SHISA6: variants seen among roughly 807,000 people sequenced by gnomAD.
SHISA6 encodes the protein shisa family member 6, also known as protein shisa-6.
SHISA6 carries 22 observed loss-of-function variants against 47.9 expected under a neutral mutation model. The observed-to-expected ratio is 0.46, with a 90% confidence interval of 0.33 to 0.66. SHISA6 has a LOEUF of 0.66. SHISA6 is among the 30% of genes least tolerant of loss of function. SHISA6 has a pLI of 0.02. For synonymous variants in SHISA6, 388 were observed against 337.8 expected, an observed-to-expected ratio of 1.15 and a Z score of -1.63; for missense variants, 680 against 764.6, an observed-to-expected ratio of 0.89 and a Z score of 1.30.
chr17:11,340,124 G>A (rs1285717741), intron 2 of SHISA6, among the ~76,000 whole-genome samples: 2 of 152,198 alleles, frequency 1.3e-5, no homozygotes, highest in East Asian at 1.9e-4. Context: ...AATTCTCAGT[G>A]ATCCTATAAA....
At chr17:11,491,775 T>TTG (rs1281916297) in intron 3 of SHISA6, among the ~76,000 whole-genome samples, 5 of 142,734 alleles carry the variant, frequency 3.5e-5, no homozygotes, top group African/African-American at 5.0e-5. Flanking sequence ...GAAGTGTTTT[T>TTG]TTTTTTTTTT....
rs1597435976 is a variant in SHISA6 at position 11,277,319 on chromosome 17, C to CACACACAT, written c.799+13793_799+13794insACACACAT. On this transcript the variant is annotated intron_variant, in intron 2 of 5. Transcript: ENST00000441885. ...ACACACACACACACACACACACACACCCCGCATGTACGTATACAGACTTTC... is the reference window on the plus strand; with the variant it reads ...ACACACACACACACACACACACACACACACACATCCCGCATGTACGTATACAGACTTTC... Among the ~76,000 whole-genome samples, 3 of 142,822 alleles carry CACACACAT rather than the reference C, an allele frequency of 2.1e-5. 1 individual carries two copies. The East Asian group carries it at 6.2e-4, about 29-fold the overall frequency. 93.7% of individuals were successfully genotyped at this position (142,822 alleles called of 152,430 possible).
intron 1 of SHISA6, among the ~76,000 whole-genome samples, chr17:11,261,597 A>G (rs919240009): frequency 6.6e-6 from 1 of 152,252 alleles, no homozygotes; most frequent in Admixed American, 6.5e-5. Flanking sequence ...TTCACTTAGC[A>G]TGATGTTTTC....
At chr17:11,467,228 T>C (rs1390082676) in intron 3 of SHISA6, among the ~76,000 whole-genome samples, 4 of 152,294 alleles carry the variant, frequency 2.6e-5, no homozygotes, top group African/African-American at 7.2e-5. Flanking sequence ...GCGTCTACCA[T>C]GTCCACGTAC....
At chr17:11,491,498 A>C (rs1916475965) in intron 3 of SHISA6, among the ~76,000 whole-genome samples, 1 of 152,002 alleles carries the variant, frequency 6.6e-6, no homozygotes, top group Non-Finnish European at 1.5e-5. Context: ...CGGGGGTCTC[A>C]CTATGTTGTT....
In SHISA6 at chr17:11,460,346, C is replaced by T. The variant is rs150392264; in HGVS notation, c.895+80837C>T. 9.9e-3 allele frequency among the ~76,000 whole-genome samples: 1,503 copies of T among 152,220 alleles called. 13 individuals are homozygous for T. The highest frequency in any genetic ancestry group is 0.013 in the Non-Finnish European group (886 of 68,022). On this transcript the variant is annotated intron_variant, in intron 3 of 5. Transcript: ENST00000441885. Reference sequence around the variant, plus strand: ...CCTGAGTCCAGCAGAAAAAAAACAACGATACAAATATCTAGGAGTTGGAAA... The same window carrying T: ...CCTGAGTCCAGCAGAAAAAAAACAATGATACAAATATCTAGGAGTTGGAAA...
chr17:11,414,451 A>G (rs1914221812), intron 3 of SHISA6, among the ~76,000 whole-genome samples: 1 of 152,140 alleles, frequency 6.6e-6, no homozygotes, highest in African/African-American at 2.4e-5. Flanking sequence ...AAGGGGCTTA[A>G]ATGATACAGA....
chr17:11,390,226 G>A (rs577819659), intron 3 of SHISA6, among the ~76,000 whole-genome samples: 50 of 152,356 alleles, frequency 3.3e-4, no homozygotes, highest in African/African-American at 1.2e-3. Context: ...CATGGAGTCA[G>A]ACATGCTGGA....
chr17:11,410,469 A>G (rs1462071791), intron 3 of SHISA6, among the ~76,000 whole-genome samples: 1 of 152,194 alleles, frequency 6.6e-6, no homozygotes, highest in Non-Finnish European at 1.5e-5. Context: ...ATTAAGTGGC[A>G]GAACTAGTAT....
At chr17:11,293,960 A>T (rs1474165941) in intron 2 of SHISA6, among the ~76,000 whole-genome samples, 2 of 152,174 alleles carry the variant, frequency 1.3e-5, no homozygotes, top group African/African-American at 2.4e-5. Flanking sequence ...ATCTCGGCTC[A>T]CTGCAACCTC....
chr17:11,525,464 C>T (rs1041293689), intron 3 of SHISA6, among the ~76,000 whole-genome samples: 1 of 151,328 alleles, frequency 6.6e-6, no homozygotes, highest in African/African-American at 2.4e-5. Flanking sequence ...GAAACCCCAT[C>T]TCTACTAAAA....
At chr17:11,361,419 G>C (rs900387907) in intron 2 of SHISA6, among the ~76,000 whole-genome samples, 1 of 152,130 alleles carries the variant, frequency 6.6e-6, no homozygotes, top group Admixed American at 6.5e-5. Flanking sequence ...CTAGGAACTT[G>C]ATCCACTTTG....
intron 2 of SHISA6, among the ~76,000 whole-genome samples, chr17:11,375,142 A>C (rs1265548724): frequency 6.6e-6 from 1 of 152,164 alleles, no homozygotes; most frequent in African/African-American, 2.4e-5. Flanking sequence ...TTAATGCATA[A>C]TCTGGTACTT....
At chr17:11,335,035 A>C (rs1319047573) in intron 2 of SHISA6, among the ~76,000 whole-genome samples, 1 of 152,140 alleles carries the variant, frequency 6.6e-6, no homozygotes, top group Non-Finnish European at 1.5e-5. Flanking sequence ...GTGGCTATTG[A>C]CAGGTGGCAC....
intron 3 of SHISA6, among the ~76,000 whole-genome samples, chr17:11,543,254 T>C (rs1383620376): frequency 6.6e-6 from 1 of 152,108 alleles, no homozygotes; most frequent in Non-Finnish European, 1.5e-5. Flanking sequence ...AATGTATGTA[T>C]ACATATATAT....
intron 1 of SHISA6, among the ~76,000 whole-genome samples, chr17:11,242,274 G>A (rs1476172519): frequency 5.9e-5 from 9 of 152,358 alleles, no homozygotes; most frequent in Middle Eastern, 6.8e-3. Context: ...GTGGTAGGGG[G>A]ATTTACAAGG....
chr17:11,319,070 T>C (rs1910619727), intron 2 of SHISA6, among the ~76,000 whole-genome samples: 1 of 119,276 alleles, frequency 8.4e-6, no homozygotes. Context: ...GTATTTCTTC[T>C]TATGTTTTTT....
At chr17:11,499,698 T>TTGTTGTTGTTGTTG (rs1555540216) in intron 3 of SHISA6, among the ~76,000 whole-genome samples, 1 of 146,520 alleles carries the variant, frequency 6.8e-6, no homozygotes, top group African/African-American at 2.7e-5. Flanking sequence ...TTTTTTTTTT[T>TTGTTGTTGTTGTTG]TTGTTGTTGT....
intron 3 of SHISA6, among the ~76,000 whole-genome samples, chr17:11,430,793 C>G (rs1450846503): frequency 1.3e-5 from 2 of 152,172 alleles, no homozygotes; most frequent in Non-Finnish European, 2.9e-5. Context: ...TTGCCTCATT[C>G]ATTCTGAATG....
Sources: allele counts gnomAD v4.1 joint callset (sites outside exome capture counted in the v4.1 genomes callset), GRCh38; gene constraint gnomAD v4.1.1; transcripts MANE v1.5; gene names NCBI Gene and HGNC (gene_info 2026-07-23, HGNC 2026-07-21).